Variants in FCHO1 observed in about 807,000 individuals in gnomAD.
FCHO1 encodes F-BAR domain only protein 1.
Under a neutral mutation model 114.4 loss-of-function variants are expected in FCHO1, and 45 were observed. The ratio of observed to expected loss-of-function variants is 0.39; its 90% confidence interval spans 0.31 to 0.50. FCHO1 has a LOEUF of 0.50. Ranked by LOEUF, FCHO1 falls within the 20% of genes least tolerant of loss-of-function variation. The pLI is 0.77. For synonymous variants in FCHO1, 480 were observed against 488.9 expected (o/e 0.98, Z 0.24); for missense variants, 1,042 against 1,209.6 (o/e 0.86, Z 2.06).
At chr19:17,785,606 G>A (rs573228893) in intron 26 of FCHO1, among the ~76,000 whole-genome samples, 102 of 152,224 alleles carry the variant, frequency 6.7e-4, no homozygotes, top group Non-Finnish European at 1.2e-3. Flanking sequence ...GGCCGAGATG[G>A]GCAGATCACG....
At chr19:17,769,830 T>TAAAAAA (rs2090939375) in intron 7 of FCHO1, among the ~76,000 whole-genome samples, 1 of 139,604 alleles carries the variant, frequency 7.2e-6, no homozygotes, top group African/African-American at 2.8e-5. Flanking sequence ...GAACCATGTG[T>TAAAAAA]AAATAGTACT....
chr19:17,772,918 C>T (rs2091953843), intron 11 of FCHO1, among the ~76,000 whole-genome samples, 177 bp downstream of exon 11: 1 of 152,188 alleles, frequency 6.6e-6, no homozygotes, highest in Non-Finnish European at 1.5e-5. Flanking sequence ...CTGCCTCGGC[C>T]TCCCAAAGTG....
In FCHO1 at chr19:17,776,511, C is replaced by A; in HGVS notation, c.1208-124C>A. 1 of 1,162,816 alleles carries A rather than the reference C, an allele frequency of 8.6e-7. No homozygotes were observed. Among genetic ancestry groups the A allele is most frequent in the Admixed American group, 1.8e-5 (1 of 56,584 alleles). The allele number at this position is 1,162,816 out of a possible 1,614,324, so 72.0% of individuals were successfully genotyped here. A position where few individuals can be genotyped will look rare whatever the true frequency, so the allele number is the denominator to read the frequency against. On this transcript the variant is annotated intron_variant, in intron 17 of 28. Transcript: ENST00000596536. The surrounding 1 kb of genome is among the most constrained non-coding windows in gnomAD (Gnocchi z 4.4). ...TCGCTTAGGCTTGAATCCATGTCTG[C>A]CTGATTTGCTGATCACCTTGGGCAA...
At chr19:17,768,984 TA>T (rs35517360) in intron 7 of FCHO1, among the ~76,000 whole-genome samples, 4 of 147,196 alleles carry the variant, frequency 2.7e-5, no homozygotes, top group Admixed American at 6.8e-5. Context: ...CCCCATCTCT[TA>T]AAAAAAAAAG....
At position 17,775,135 on chromosome 19, in the gene FCHO1, A is replaced by T; in HGVS notation, c.945+55A>T. The T allele has an allele frequency of 1.3e-6, 2 of 1,567,270 alleles. No individual in the cohort carries two copies. Among genetic ancestry groups the T allele is most frequent in the Non-Finnish European group, 1.7e-6 (2 of 1,147,710 alleles). On this transcript the variant is annotated intron_variant, in intron 14 of 28. Transcript: ENST00000596536. This position sits in a 1 kb window ranked among gnomAD's most constrained non-coding sequence, Gnocchi z 5.1. ...CTACAAGTGGAAGGAGTTTGATCCC[A>T]CTCTTGGCTCCTAGAGTCCCGATCC...
intron 26 of FCHO1, among the ~76,000 whole-genome samples, chr19:17,785,166 G>A (rs188558534): frequency 2.6e-5 from 4 of 152,174 alleles, no homozygotes; most frequent in Admixed American, 2.6e-4. Flanking sequence ...ACCAGCCTGG[G>A]CAATATGGTG....
At chr19:17,751,306 G>A (rs1047743543), upstream of FCHO1, among the ~76,000 whole-genome samples, 1 of 152,210 alleles carries the variant, frequency 6.6e-6, no homozygotes, top group Admixed American at 6.5e-5. This position sits in a 1 kb window ranked among gnomAD's most constrained non-coding sequence, Gnocchi z 4.4. Flanking sequence ...GGTAAGAACA[G>A]CTCCAGGTTC....
Position 17,781,748 on chromosome 19 carries a change from C to T in FCHO1, c.1865C>T (p.Ser622Phe), listed in dbSNP as rs1186017897. 6.2e-7 allele frequency: 1 copy of T among 1,610,900 alleles called. No individual in the cohort carries two copies. The highest frequency in any genetic ancestry group is 1.3e-5 in the African/African-American group (1 of 74,804). Residue 622 changes from serine to phenylalanine, a missense_variant, in exon 23 of 29, where the codon TCC becomes TTC. Physicochemically the swap from Ser to Phe is radical, Grantham distance 155 (BLOSUM62 -2). Coordinates refer to ENST00000596536, the MANE Select transcript of FCHO1 (RefSeq NM_015122.3). ...SRGPSPVVLG[S>F]QDALPIATAF... ...GGTCCGAGCCCTGTGGTCCTGGGCT[C>T]CCAGGATGCCCTGCCCATAGCCACA... is the stretch of plus-strand genomic sequence containing the variant.
intron 8 of FCHO1, 103 bp from the exon 9 acceptor site, chr19:17,770,687 TCA>T: frequency 6.3e-7 from 1 of 1,576,240 alleles, no homozygotes; most frequent in Non-Finnish European, 8.7e-7. Context: ...CTGTGGGTGA[TCA>T]CACCCTGGGT....
At chr19:17,752,480 G>C (rs2082220487) in intron 1 of FCHO1, 1 of 150,194 alleles carries the variant, frequency 6.7e-6, no homozygotes, top group Admixed American at 6.7e-5. Flanking sequence ...GGCAGGTCTC[G>C]AACTCCTGAC....
intron 20 of FCHO1, among the ~76,000 whole-genome samples, chr19:17,780,504 C>T (rs1357266889): frequency 6.6e-6 from 1 of 152,088 alleles, no homozygotes; most frequent in South Asian, 2.1e-4. Flanking sequence ...TTCTGCCCCC[C>T]CAGGGGACAT....
At chr19:17,778,018 G>A (rs2092864519) in intron 18 of FCHO1, 119 bp from the exon 19 acceptor site, 2 of 675,596 alleles carry the variant, frequency 3.0e-6, no homozygotes, top group Non-Finnish European at 5.1e-6. Flanking sequence ...CAGCCTGGCC[G>A]ACAGAGCAAG....
Position 17,778,817 on chromosome 19 carries a change from G to T in FCHO1, c.1560G>T (p.Leu520=), listed in dbSNP as rs1246470073. The change falls in exon 20 of 29, where the codon CTG becomes CTT. Residue 520 remains leucine, a synonymous_variant. Transcript: ENST00000596536. The part of the protein sequence containing the change: ...PEARGIRAPP[L]PDSPQPLASS... ...CCAGGGGTATCCGGGCACCGCCTCT[G>T]CCAGACTCGCCGCAGCCCCTCGCCT... 6.5e-7 allele frequency: 1 copy of T among 1,550,166 alleles called. No individual in the cohort carries two copies. Among genetic ancestry groups the T allele is most frequent in the Admixed American group, 1.9e-5 (1 of 52,834 alleles).
At chr19:17,787,295 C>A (rs140296887) in intron 27 of FCHO1, among the ~76,000 whole-genome samples, 336 of 147,498 alleles carry the variant, frequency 2.3e-3, no homozygotes, top group African/African-American at 8.0e-3. Context: ...TCTGTAATCC[C>A]AGTGCTTTGG....
At chr19:17,768,723 AGG>A (rs1491343045) in intron 7 of FCHO1, among the ~76,000 whole-genome samples, 2 of 106,598 alleles carry the variant, frequency 1.9e-5, no homozygotes, top group Admixed American at 2.2e-4. Flanking sequence ...AAAAAAAAAA[AGG>A]AGAGAGAGAA....
intron 13 of FCHO1, chr19:17,774,701 A>G (rs1599708565): frequency 1.7e-6 from 1 of 592,746 alleles, no homozygotes; most frequent in Non-Finnish European, 3.0e-6. Flanking sequence ...TTGCTAGGTT[A>G]GGCCAGGAAT....
chr19:17,778,896 G>A lies in FCHO1; in HGVS notation c.1627+12G>A, dbSNP rs979366075. ...CTTGGCCGGAGGAGGTGAGTCCAGC[G>A]GGCCTGGGCCTGAGAGTTGCTGGAA... On this transcript the variant is annotated intron_variant, in intron 20 of 28. Transcript: ENST00000596536. 5.9e-6 allele frequency: 9 copies of A among 1,531,452 alleles called. No homozygotes were observed. Among genetic ancestry groups the A allele is most frequent in the South Asian group, 2.4e-5 (2 of 81,944 alleles). 94.9% of individuals were successfully genotyped at this position (1,531,452 alleles called of 1,614,324 possible).
At chr19:17,779,012 CG>C (rs2093022834) in intron 20 of FCHO1, 128 bp downstream of exon 20, 1 of 1,000,590 alleles carries the variant, frequency 1.0e-6, no homozygotes, top group Non-Finnish European at 1.4e-6. Flanking sequence ...AACCTCCCAC[CG>C]TTGCAGGGAC....
intron 5 of FCHO1, among the ~76,000 whole-genome samples, chr19:17,764,044 CTT>C (rs11458516): frequency 4.8e-5 from 7 of 145,122 alleles, no homozygotes; most frequent in Non-Finnish European, 4.5e-5. Flanking sequence ...GCTTCTTCAT[CTT>C]TTTTTTTTTT....
Sources: gnomAD v4.1 joint callset for allele counts (sites outside exome capture counted in the v4.1 genomes callset) on GRCh38, gnomAD v4.1.1 for gene constraint, Gnocchi (gnomAD v3.1) non-coding constraint, MANE v1.5 for transcripts, NCBI Gene and HGNC (gene_info 2026-07-23, HGNC 2026-07-21) for gene names.